The following RABGAP1L variants were observed in gnomAD, a reference collection of about 807,000 sequenced individuals.
The protein encoded by RABGAP1L is RAB GTPase activating protein 1 like.
A neutral mutation model predicts 137.7 loss-of-function variants in RABGAP1L; 63 were observed. That is an observed-to-expected ratio of 0.46 (90% CI 0.37 to 0.56). The LOEUF (loss-of-function observed/expected upper bound fraction) is 0.56, where lower values mean the gene tolerates loss of function less well. Among genes scored for constraint, RABGAP1L ranks in the 20% least tolerant of loss-of-function variants. RABGAP1L has a pLI of 0.00. For synonymous variants in RABGAP1L, 431 were observed against 433.7 expected, an observed-to-expected ratio of 0.99 and a Z score of 0.08; for missense variants, 1,095 against 1,244.0, an observed-to-expected ratio of 0.88 and a Z score of 1.80.
intron 13 of RABGAP1L, among the ~76,000 whole-genome samples, chr1:174,506,314 T>C (rs942514866): frequency 2.0e-5 from 3 of 152,222 alleles, no homozygotes; most frequent in Non-Finnish European, 2.9e-5. Flanking sequence ...ACTCTGGTGC[T>C]ACCATGGCAG....
At chr1:174,292,329 CTTTTTTTTT>C (rs61636433) in intron 10 of RABGAP1L, among the ~76,000 whole-genome samples, 222 of 50,638 alleles carry the variant, frequency 4.4e-3, no homozygotes, top group Non-Finnish European at 6.7e-3. Context: ...CCTACCTAAT[CTTTTTTTTT>C]TTTTTTTTTT....
At chr1:174,752,414 G>A (rs888564422) in intron 18 of RABGAP1L, 60 bp downstream of exon 18, 7 of 1,245,076 alleles carry the variant, frequency 5.6e-6, no homozygotes, top group African/African-American at 1.6e-5. Flanking sequence ...CCTTGGAACT[G>A]GAATAATTCA....
chr1:174,244,079 C>A (rs1558064779), intron 5 of RABGAP1L, among the ~76,000 whole-genome samples: 1 of 152,146 alleles, frequency 6.6e-6, no homozygotes. Context: ...TGTAATTAAT[C>A]TGAAGTCTTC....
At chr1:174,522,422 A>G (rs1663492776) in intron 13 of RABGAP1L, among the ~76,000 whole-genome samples, 1 of 152,036 alleles carries the variant, frequency 6.6e-6, no homozygotes, top group African/African-American at 2.4e-5. Context: ...ACAAAAACTT[A>G]GCTGGGCATG....
chr1:174,920,332 A>G (rs2149225041), intron 19 of RABGAP1L, among the ~76,000 whole-genome samples: 1 of 152,330 alleles, frequency 6.6e-6, no homozygotes, highest in African/African-American at 2.4e-5. Context: ...AGGCAAAGAG[A>G]GAGCTGGTGC....
chr1:174,199,183 G>A (rs1667924606), intron 1 of RABGAP1L, among the ~76,000 whole-genome samples: 1 of 152,068 alleles, frequency 6.6e-6, no homozygotes, highest in African/African-American at 2.4e-5. Context: ...TTAAAGTTAT[G>A]GGATATGAAA....
At chr1:174,492,034 C>A (rs1660287156) in intron 13 of RABGAP1L, among the ~76,000 whole-genome samples, 1 of 152,204 alleles carries the variant, frequency 6.6e-6, no homozygotes, top group African/African-American at 2.4e-5. Context: ...CAGTTAAAAC[C>A]AGGTAGTGTG....
At chr1:174,297,504 C>T (rs7555067) in intron 10 of RABGAP1L, among the ~76,000 whole-genome samples, 87,122 of 151,960 alleles carry the variant, frequency 0.57, 27,362 homozygotes, top group African/African-American at 0.85. Flanking sequence ...ATGAGCATTA[C>T]GGTTGGAGTT....
At chr1:174,455,490 G>C (rs914236667) in intron 13 of RABGAP1L, among the ~76,000 whole-genome samples, 24 of 151,940 alleles carry the variant, frequency 1.6e-4, no homozygotes, top group African/African-American at 5.6e-4. Flanking sequence ...ATTTATTTTT[G>C]AATAAAATGT....
intron 19 of RABGAP1L, among the ~76,000 whole-genome samples, chr1:174,881,231 C>T (rs1306399112): frequency 6.6e-6 from 1 of 152,162 alleles, no homozygotes; most frequent in African/African-American, 2.4e-5. Flanking sequence ...GGAATTCCCA[C>T]TCCTAACCCT....
chr1:174,522,499 G>T (rs1458107774), intron 13 of RABGAP1L, among the ~76,000 whole-genome samples: 2 of 151,794 alleles, frequency 1.3e-5, no homozygotes, highest in Non-Finnish European at 2.9e-5. Flanking sequence ...GAGCCCGGGA[G>T]GTTGAGACCT....
chr1:174,511,748 A>G (rs559480360), intron 13 of RABGAP1L, among the ~76,000 whole-genome samples: 94 of 151,402 alleles, frequency 6.2e-4, no homozygotes, highest in Non-Finnish European at 1.1e-3. Flanking sequence ...TCAGCCTCCC[A>G]AGTAGCTGGG....
At chr1:174,392,571 AT>A (rs1431135749) in intron 12 of RABGAP1L, among the ~76,000 whole-genome samples, 1 of 152,172 alleles carries the variant, frequency 6.6e-6, no homozygotes, top group Non-Finnish European at 1.5e-5. Flanking sequence ...ATTAAATCTG[AT>A]GGTTTACTAA....
At chr1:174,920,453 C>A (rs992367207) in intron 19 of RABGAP1L, among the ~76,000 whole-genome samples, 2 of 152,214 alleles carry the variant, frequency 1.3e-5, no homozygotes, top group African/African-American at 2.4e-5. Context: ...GACCAGGTTC[C>A]TCTCACAACA....
chr1:174,682,706 C>A (rs332768), intron 14 of RABGAP1L, among the ~76,000 whole-genome samples: 5 of 152,142 alleles, frequency 3.3e-5, no homozygotes, highest in African/African-American at 9.6e-5. Flanking sequence ...TACACTAAGC[C>A]TATGGCCTTA....
At chr1:174,239,065 A>C (rs1429337594) in intron 4 of RABGAP1L, 1 of 154,378 alleles carries the variant, frequency 6.5e-6, no homozygotes, top group Admixed American at 6.5e-5. Context: ...TTTGACTCAG[A>C]TAGGGAACTC....
intron 19 of RABGAP1L, chr1:174,877,664 A>C: frequency 2.6e-6 from 4 of 1,530,252 alleles, no homozygotes; most frequent in Non-Finnish European, 3.6e-6. Flanking sequence ...CATGATATCT[A>C]TACTCCTGTA....
At position 174,448,458 on chromosome 1, in the gene RABGAP1L, T is replaced by C; in HGVS notation, c.1710+54313T>C. 6.2e-7 allele frequency: 1 copy of C among 1,613,410 alleles called. No individual in the cohort carries two copies. Among genetic ancestry groups the C allele is most frequent in the Non-Finnish European group, 8.5e-7 (1 of 1,179,394 alleles). On this transcript the variant is annotated intron_variant, in intron 13 of 25. Coordinates refer to ENST00000681986, the MANE Select transcript of RABGAP1L (RefSeq NM_001366446.1). The surrounding 1 kb of genome is among the most constrained non-coding windows in gnomAD (Gnocchi z 4.2). ...GTCCACGAGTCATTGACTTGCCAGG[T>C]TTTTGGATATATCATCTCAGTTCTA...
intron 7 of RABGAP1L, among the ~76,000 whole-genome samples, chr1:174,267,549 G>A (rs1369266188): frequency 6.6e-6 from 1 of 152,116 alleles, no homozygotes; most frequent in Middle Eastern, 3.2e-3. Context: ...GGAACTCTTG[G>A]AGATACTTCA....
Sources: allele counts gnomAD v4.1 joint callset (sites outside exome capture counted in the v4.1 genomes callset), GRCh38; gene constraint gnomAD v4.1.1; non-coding constraint Gnocchi (gnomAD v3.1); transcripts MANE v1.5; gene names NCBI Gene and HGNC (gene_info 2026-07-23, HGNC 2026-07-21).